Variants in STIM1 observed in about 807,000 individuals in gnomAD.
STIM1 encodes stromal interaction molecule 1.
A neutral mutation model predicts 74.7 loss-of-function variants in STIM1; 25 were observed. That is an observed-to-expected ratio of 0.33 (90% CI 0.24 to 0.47). The LOEUF is 0.47. Ranked by LOEUF, STIM1 falls within the 20% of genes least tolerant of loss-of-function variation. STIM1 has a pLI of 1.00. For missense variants in STIM1, 728 were observed against 920.8 expected (o/e 0.79, Z 2.71); for synonymous variants, 328 against 348.8 (o/e 0.94, Z 0.66).
chr11:3,956,038 C>T (rs1281679252), intron 1 of STIM1, among the ~76,000 whole-genome samples: 3 of 148,058 alleles, frequency 2.0e-5, no homozygotes, highest in Non-Finnish European at 4.5e-5. Context: ...AAAAAAAAAG[C>T]AGGAGTTACT....
At chr11:3,910,983 G>GACAA (rs1226815821) in intron 1 of STIM1, among the ~76,000 whole-genome samples, 3 of 152,028 alleles carry the variant, frequency 2.0e-5, no homozygotes, top group Admixed American at 6.6e-5. Flanking sequence ...GAGACAAACA[G>GACAA]ACAAACAAAC....
intron 1 of STIM1, among the ~76,000 whole-genome samples, chr11:3,913,181 T>C (rs558815092): frequency 1.3e-5 from 2 of 152,208 alleles, no homozygotes; most frequent in South Asian, 4.1e-4. Flanking sequence ...TGCTGCAGTA[T>C]CAAGTTGCTT....
chr11:4,068,109 A>T (rs1045520839), intron 5 of STIM1, among the ~76,000 whole-genome samples: 1 of 152,210 alleles, frequency 6.6e-6, no homozygotes, highest in Admixed American at 6.5e-5. Flanking sequence ...AGTGGTACTG[A>T]TAGGTGGAAC....
intron 1 of STIM1, among the ~76,000 whole-genome samples, chr11:3,926,015 T>C (rs2092784127): frequency 6.6e-6 from 1 of 152,204 alleles, no homozygotes; most frequent in East Asian, 1.9e-4. Flanking sequence ...GTAATATAGC[T>C]CTCAGAGAGC....
At chr11:3,938,354 C>CA (rs199940450) in intron 1 of STIM1, among the ~76,000 whole-genome samples, 6,629 of 152,252 alleles carry the variant, frequency 0.044, 445 homozygotes, top group African/African-American at 0.14. Flanking sequence ...TTCAGCTTTG[C>CA]ATACCAAGGG....
In STIM1 at chr11:4,086,477, C is replaced by T. The variant is rs2094493765; in HGVS notation, c.1568C>T (p.Ala523Val). Residue 523 changes from alanine to valine, a missense_variant and splice_region_variant, in exon 12 of 13, where the codon GCC becomes GTC. Coordinates refer to ENST00000526596, the MANE Select transcript of STIM1 (RefSeq NM_001382567.1). ...GACACTTTCTTTATTCTCCTTGCAGCCCCTAGCCTGCAGAGCAGTGTTCGG... is the reference window on the plus strand; with the variant it reads ...GACACTTTCTTTATTCTCCTTGCAGTCCCTAGCCTGCAGAGCAGTGTTCGG... ...SDDQSLWKYP[A>V]PSLQSSVRQR... 1 of 1,614,008 alleles carries T rather than the reference C, an allele frequency of 6.2e-7. No homozygotes were observed. Among genetic ancestry groups the T allele is most frequent in the Non-Finnish European group, 8.5e-7 (1 of 1,179,994 alleles).
chr11:4,060,536 T>C (rs545264532), intron 5 of STIM1, among the ~76,000 whole-genome samples: 1 of 152,330 alleles, frequency 6.6e-6, no homozygotes, highest in East Asian at 1.9e-4. Flanking sequence ...TGCCACCTTT[T>C]TTTTGGGGGA....
intron 2 of STIM1, among the ~76,000 whole-genome samples, chr11:3,978,136 T>C (rs2093466461): frequency 6.6e-6 from 1 of 151,564 alleles, no homozygotes; most frequent in African/African-American, 2.4e-5. Flanking sequence ...GCCTCCTACA[T>C]ATGCCTGTGT....
At chr11:3,913,473 C>G (rs1014093385) in intron 1 of STIM1, among the ~76,000 whole-genome samples, 1 of 152,136 alleles carries the variant, frequency 6.6e-6, no homozygotes, top group Non-Finnish European at 1.5e-5. Context: ...CAGGGATCAA[C>G]CACTGTGCCC....
At chr11:4,084,812 C>T (rs1470971507) in intron 11 of STIM1, 47 bp downstream of exon 11, 1 of 1,272,830 alleles carries the variant, frequency 7.9e-7, no homozygotes, top group Non-Finnish European at 1.0e-6. Context: ...ACTTTCGGGA[C>T]TAAATCAACA....
Position 3,880,468 on chromosome 11 carries a change from G to A in STIM1, c.139+24059G>A, listed in dbSNP as rs556267399. ...AATGAAAATAGTTTGTGGACAGCTG[G>A]GGGATGGTTTCAGTGTCAAACTTTG... On this transcript the variant is annotated intron_variant, in intron 1 of 12. Transcript: ENST00000526596. 9.9e-5 allele frequency among the ~76,000 whole-genome samples: 15 copies of A among 152,250 alleles called. No individual in the cohort carries two copies. The South Asian group carries it at 3.1e-3, about 32-fold the overall frequency.
At chr11:3,877,046 G>T (rs1483991061) in intron 1 of STIM1, among the ~76,000 whole-genome samples, 1 of 151,976 alleles carries the variant, frequency 6.6e-6, no homozygotes, top group African/African-American at 2.4e-5. Context: ...TATTGGGAGA[G>T]TTGTTTAAAA....
chr11:4,059,608 C>A (rs2094316454), intron 5 of STIM1, among the ~76,000 whole-genome samples: 1 of 152,226 alleles, frequency 6.6e-6, no homozygotes, highest in Non-Finnish European at 1.5e-5. Context: ...GAAATATCTG[C>A]ATTGTGCCAA....
At chr11:3,915,077 A>G (rs57719656) in intron 1 of STIM1, among the ~76,000 whole-genome samples, 1,980 of 152,020 alleles carry the variant, frequency 0.013, 41 homozygotes, top group African/African-American at 0.046. Flanking sequence ...GAGAATGTGT[A>G]TTTAAGTCCT....
intron 3 of STIM1, among the ~76,000 whole-genome samples, chr11:4,054,004 C>G (rs1242166443): frequency 3.3e-5 from 5 of 152,172 alleles, no homozygotes; most frequent in African/African-American, 1.2e-4. Context: ...AGGCACTAGC[C>G]ACATCTAGCT....
chr11:4,031,463 A>G (rs1009949444), intron 3 of STIM1, among the ~76,000 whole-genome samples: 2 of 152,196 alleles, frequency 1.3e-5, no homozygotes, highest in African/African-American at 4.8e-5. Flanking sequence ...AGAAACTGTC[A>G]AACTGTTTTC....
intron 1 of STIM1, among the ~76,000 whole-genome samples, chr11:3,928,434 C>T (rs2092815620): frequency 6.6e-6 from 1 of 152,074 alleles, no homozygotes; most frequent in South Asian, 2.1e-4. Flanking sequence ...ACCGTGTTGG[C>T]CAGGCTGGTC....
At chr11:4,007,691 CAATT>C (rs1192129778) in intron 2 of STIM1, among the ~76,000 whole-genome samples, 1 of 152,160 alleles carries the variant, frequency 6.6e-6, no homozygotes, top group Non-Finnish European at 1.5e-5. Flanking sequence ...ATAATAATCT[CAATT>C]AATATCTGAA....
rs375885478 is a variant in STIM1 at position 3,912,162 on chromosome 11, C to G, written c.140-55390C>G. Reference sequence around the variant, plus strand: ...ATCCCCTCTCCTCCCCTCCCTTCTCCCCTCCCCTCTCCTCCTTTCTCCCCT... The same window carrying G: ...ATCCCCTCTCCTCCCCTCCCTTCTCGCCTCCCCTCTCCTCCTTTCTCCCCT... On this transcript the variant is annotated intron_variant, in intron 1 of 12. Coordinates refer to ENST00000526596, the MANE Select transcript of STIM1 (RefSeq NM_001382567.1). 1.0e-3 allele frequency among the ~76,000 whole-genome samples: 103 copies of G among 101,836 alleles called. 6 individuals carry two copies. In the South Asian group the frequency reaches 0.049, roughly 49 times the overall value. 66.8% of individuals were successfully genotyped at this position (101,836 alleles called of 152,430 possible). A position where few individuals can be genotyped will look rare whatever the true frequency, so the allele number is the denominator to read the frequency against.
Sources: allele counts gnomAD v4.1 joint callset (sites outside exome capture counted in the v4.1 genomes callset), GRCh38; gene constraint gnomAD v4.1.1; transcripts MANE v1.5; gene names NCBI Gene and HGNC (gene_info 2026-07-23, HGNC 2026-07-21).